The following PP2D1 variants were observed in gnomAD, a reference collection of about 807,000 sequenced individuals.
The protein encoded by PP2D1 is protein phosphatase 2C-like domain-containing protein 1.
A neutral mutation model predicts 30.2 loss-of-function variants in PP2D1; 25 were observed. The ratio of observed to expected loss-of-function variants is 0.83; its 90% CI spans 0.60 to 1.16. The LOEUF (loss-of-function observed/expected upper bound fraction) is 1.16, where lower values mean the gene tolerates loss of function less well. Among genes scored for constraint, PP2D1 ranks in the 50% most tolerant of loss-of-function variants. The probability of loss-of-function intolerance (pLI) is 0.00; values close to 1 mark genes in which losing one functional copy is unlikely to be tolerated. For missense variants in PP2D1, 760 were observed against 742.4 expected (o/e 1.02, Z -0.28); for synonymous variants, 260 against 258.9 (o/e 1.00, Z -0.04).
intron 2 of PP2D1, among the ~76,000 whole-genome samples, chr3:19,987,031 C>A (rs1697047621): frequency 7.5e-6 from 1 of 133,444 alleles, no homozygotes. Flanking sequence ...GAGCAAAAAT[C>A]TGCCTCAAAA....
At chr3:19,981,953 G>A (rs73176006), downstream of PP2D1, among the ~76,000 whole-genome samples, 1 of 152,054 alleles carries the variant, frequency 6.6e-6, no homozygotes, top group East Asian at 1.9e-4. Flanking sequence ...CATAAAAGGA[G>A]AAAATGAGGT....
intron 1 of PP2D1, among the ~76,000 whole-genome samples, chr3:20,003,469 G>A (rs942019636): frequency 3.3e-5 from 5 of 151,656 alleles, no homozygotes; most frequent in African/African-American, 7.3e-5. Flanking sequence ...TTAGCTGGGC[G>A]CGATGGCTCA....
chr3:20,007,178 GTA>G (rs1697329447), intron 1 of PP2D1, among the ~76,000 whole-genome samples: 1 of 151,916 alleles, frequency 6.6e-6, no homozygotes, highest in Non-Finnish European at 1.5e-5. Context: ...GGGCCCTCCT[GTA>G]TACTTTAAAT....
intron 1 of PP2D1, among the ~76,000 whole-genome samples, chr3:20,003,224 G>T (rs1258785248): frequency 6.6e-6 from 1 of 151,658 alleles, no homozygotes; most frequent in African/African-American, 2.4e-5. Context: ...AACAACCTCA[G>T]ACAGGCCCTC....
At chr3:19,987,727 T>C (rs1231089558) in intron 2 of PP2D1, among the ~76,000 whole-genome samples, 2 of 152,164 alleles carry the variant, frequency 1.3e-5, no homozygotes, top group Non-Finnish European at 2.9e-5. Context: ...TGGGGCAATA[T>C]GGCAAAGCCC....
chr3:19,989,257 G>A (rs1697084523), intron 2 of PP2D1, among the ~76,000 whole-genome samples: 1 of 152,140 alleles, frequency 6.6e-6, no homozygotes, highest in Admixed American at 6.6e-5. Flanking sequence ...GTTTGAACCC[G>A]GGAGGCAGAG....
At chr3:20,007,738 A>T in intron 1 of PP2D1, 1 of 149,814 alleles carries the variant, frequency 6.7e-6, no homozygotes, top group Non-Finnish European at 1.5e-5. Context: ...ATTGCACTCC[A>T]GCCTGGGCAA....
chr3:19,993,472 A>C (rs557456134), intron 2 of PP2D1, among the ~76,000 whole-genome samples: 1 of 152,336 alleles, frequency 6.6e-6, no homozygotes, highest in East Asian at 1.9e-4. Flanking sequence ...GCAGTGGCTC[A>C]TACCTATAAT....
At chr3:19,985,170 A>C, downstream of PP2D1, 1 of 495,698 alleles carries the variant, frequency 2.0e-6, no homozygotes, top group South Asian at 3.3e-5. Context: ...GTGGTATAAA[A>C]AGCAAGTATC....
downstream of PP2D1, chr3:19,983,612 G>T (rs1383995541): frequency 1.2e-6 from 1 of 815,428 alleles, no homozygotes; most frequent in Non-Finnish European, 2.1e-6. Context: ...TACTTTGGGG[G>T]TAACCTAACT....
chr3:19,980,921 G>C (rs1696913204), downstream of PP2D1, among the ~76,000 whole-genome samples: 1 of 152,146 alleles, frequency 6.6e-6, no homozygotes, highest in African/African-American at 2.4e-5. Context: ...ATGTAGAATG[G>C]AATGTGTAGA....
At chr3:19,998,511 C>T (rs1447376303) in intron 2 of PP2D1, among the ~76,000 whole-genome samples, 1 of 152,154 alleles carries the variant, frequency 6.6e-6, no homozygotes. Context: ...ATCTTAAATA[C>T]TCTGATTTGA....
At chr3:20,010,167 G>A (rs1036856989) in intron 1 of PP2D1, among the ~76,000 whole-genome samples, 3 of 151,778 alleles carry the variant, frequency 2.0e-5, no homozygotes, top group African/African-American at 7.3e-5. Context: ...GTGCTATCTC[G>A]GCTCACTGAC....
intron 1 of PP2D1, among the ~76,000 whole-genome samples, chr3:20,006,834 TTG>T (rs1697323331): frequency 6.6e-6 from 1 of 151,792 alleles, no homozygotes; most frequent in Admixed American, 6.6e-5. Flanking sequence ...TGGAGTGCAG[TTG>T]TGTGATCTGG....
intron 3 of PP2D1, chr3:19,980,241 C>A (rs1160515238): frequency 1.3e-5 from 2 of 152,188 alleles, no homozygotes; most frequent in African/African-American, 2.4e-5. Context: ...AAACCTTTCT[C>A]ACAATATTTA....
At chr3:19,981,327 G>C (rs2125133400), downstream of PP2D1, among the ~76,000 whole-genome samples, 1 of 152,258 alleles carries the variant, frequency 6.6e-6, no homozygotes, top group Non-Finnish European at 1.5e-5. Flanking sequence ...TCATAAATCA[G>C]GCTGGGCGCA....
chr3:19,996,446 A>G (rs1275022171), intron 2 of PP2D1, among the ~76,000 whole-genome samples: 2 of 152,228 alleles, frequency 1.3e-5, no homozygotes, highest in African/African-American at 4.8e-5. Context: ...AGTAATAAAA[A>G]GTCCCCCAAA....
At chr3:20,006,138 C>T (rs567688937) in intron 1 of PP2D1, among the ~76,000 whole-genome samples, 16 of 151,340 alleles carry the variant, frequency 1.1e-4, no homozygotes, top group African/African-American at 1.5e-4. Context: ...CTCAGCTACT[C>T]GGGAGGCTGA....
At position 20,012,102 on chromosome 3, in the gene PP2D1, C is replaced by G. The variant is rs1436011393; in HGVS notation, c.-30G>C. On this transcript the variant is annotated 5_prime_UTR_variant, in exon 1 of 3. Transcript: ENST00000389050. The stretch of plus-strand genomic sequence containing the variant: ...CTTTGGAATTACCTTTCTTTGCCCT[C>G]CCTTTATCCCCTTCCCCTGGCCTCT... The G allele has an allele frequency of 1.3e-6, 2 of 1,517,076 alleles. No homozygotes were observed. The highest frequency in any genetic ancestry group is 4.9e-5 in the East Asian group (2 of 40,620). The allele number at this position is 1,517,076 out of a possible 1,614,324, so 94.0% of individuals were successfully genotyped here.
Sources: gnomAD v4.1 joint callset for allele counts (sites outside exome capture counted in the v4.1 genomes callset) on GRCh38, gnomAD v4.1.1 for gene constraint, MANE v1.5 for transcripts, NCBI Gene and HGNC (gene_info 2026-07-23, HGNC 2026-07-21) for gene names.